KANSL1L: variants seen among roughly 807,000 people sequenced by gnomAD.
The protein encoded by KANSL1L is KAT8 regulatory NSL complex subunit 1 like, also known as KAT8 regulatory NSL complex subunit 1-like protein.
A neutral mutation model predicts 108.6 loss-of-function variants in KANSL1L; 25 were observed. The ratio of observed to expected loss-of-function variants is 0.23; its 90% CI spans 0.17 to 0.32. KANSL1L has a LOEUF of 0.32. KANSL1L is among the 10% of genes least tolerant of loss of function. The pLI is 1.00. For missense variants in KANSL1L, 1,137 were observed against 1,125.7 expected, an observed-to-expected ratio of 1.01 and a Z score of -0.14; for synonymous variants, 405 against 395.1, an observed-to-expected ratio of 1.03 and a Z score of -0.30.
chr2:210,133,675 A>G (rs534272087), intron 2 of KANSL1L, among the ~76,000 whole-genome samples: 3 of 152,058 alleles, frequency 2.0e-5, no homozygotes, highest in Admixed American at 6.6e-5. Flanking sequence ...TTCCTAATAC[A>G]AACATGTATA....
Position 210,153,776 on chromosome 2 carries a change from G to A in KANSL1L, c.807C>T (p.Leu269=). 5 of 1,612,488 alleles carry A rather than the reference G, an allele frequency of 3.1e-6. No individual in the cohort carries two copies. Among genetic ancestry groups the A allele is most frequent in the Non-Finnish European group, 4.2e-6 (5 of 1,179,596 alleles). Residue 269 remains leucine (L), a synonymous_variant, in exon 2 of 15, where the codon CTC becomes CTT. Transcript: ENST00000281772. The stretch of plus-strand genomic sequence containing the variant: ...GTTCATGAAATGTCTTCATTTTGGG[G>A]AGTTGATGTTTCATAGACAATTTCA... ...QQMKLSMKHQ[L]PKMKTFHEPT...
chr2:210,063,517 AG>A (rs1431155924), intron 6 of KANSL1L, among the ~76,000 whole-genome samples: 1 of 152,214 alleles, frequency 6.6e-6, no homozygotes, highest in African/African-American at 2.4e-5. Flanking sequence ...GCAGCCAGGA[AG>A]GGGGCTATAC....
chr2:210,031,526 A>G lies in KANSL1L; in HGVS notation c.2050T>C (p.Trp684Arg), dbSNP rs775251631. The change falls in exon 9 of 15, where the codon TGG becomes CGG. Residue 684 changes from tryptophan to arginine, a missense_variant. By Grantham distance (101) the Trp-to-Arg change is moderately radical. This residue lies in a region of KANSL1L where 575 missense variants were observed against 567.1 expected (regional missense o/e 1.01). Transcript: ENST00000281772. ...PSPVHSTLNQ[W>R]RNGYSPICKP... is the part of the protein sequence containing the mutation. ...CATATAGGTGAATATCCATTTCTCCATTGATTCAGAGTACTATGTACTAAA... is the reference window on the plus strand; with the variant it reads ...CATATAGGTGAATATCCATTTCTCCGTTGATTCAGAGTACTATGTACTAAA... 88 of 1,549,740 alleles carry G rather than the reference A, an allele frequency of 5.7e-5. No individual in the cohort carries two copies. The highest frequency in any genetic ancestry group is 1.4e-4 in the Admixed American group (8 of 57,198).
intron 8 of KANSL1L, among the ~76,000 whole-genome samples, chr2:210,034,698 A>C (rs2094076266): frequency 6.6e-6 from 1 of 152,202 alleles, no homozygotes; most frequent in Non-Finnish European, 1.5e-5. Flanking sequence ...GCACAAAAGG[A>C]ACTCAAACAC....
chr2:210,035,242 T>C (rs916869512), intron 8 of KANSL1L: 1 of 152,222 alleles, frequency 6.6e-6, no homozygotes, highest in Admixed American at 6.5e-5. Context: ...TTTGAACATT[T>C]TGGTAAGTAT....
Position 210,024,065 on chromosome 2 carries a change from A to C in KANSL1L, c.2701T>G (p.Leu901Val), listed in dbSNP as rs761844798. ...SENQDLCAYG[L>V]PSLNQSQETK... ...TCTTGACTTTGATTTAAAGAAGGTA[A>C]GCCATATGCACACAGATCCTGGTTC... is the stretch of plus-strand genomic sequence containing the variant. The change falls in exon 14 of 15, where the codon TTA becomes GTA. Residue 901 changes from leucine (L) to valine (V), a missense_variant. Coordinates refer to ENST00000281772, the MANE Select transcript of KANSL1L (RefSeq NM_152519.4). 8 of 1,591,524 alleles carry C rather than the reference A, an allele frequency of 5.0e-6. No individual in the cohort carries two copies. The South Asian group carries it at 9.2e-5, about 18-fold the overall frequency.
intron 3 of KANSL1L, among the ~76,000 whole-genome samples, chr2:210,128,826 T>C (rs2095092557): frequency 6.6e-6 from 1 of 152,146 alleles, no homozygotes; most frequent in East Asian, 1.9e-4. Flanking sequence ...AGTTCTGAAT[T>C]GCTCAAAAAG....
intron 1 of KANSL1L, among the ~76,000 whole-genome samples, chr2:210,158,835 T>C (rs2095347279): frequency 6.6e-6 from 1 of 152,208 alleles, no homozygotes; most frequent in African/African-American, 2.4e-5. Flanking sequence ...AAAATATAAG[T>C]ACATTTCTTC....
At chr2:210,028,638 C>A in intron 11 of KANSL1L, 3 of 427,742 alleles carry the variant, frequency 7.0e-6, no homozygotes, top group Non-Finnish European at 1.2e-5. Flanking sequence ...CTAGGAATTC[C>A]TAAATCTTAA....
At chr2:210,123,801 T>G (rs1235007427) in intron 3 of KANSL1L, among the ~76,000 whole-genome samples, 1 of 150,738 alleles carries the variant, frequency 6.6e-6, no homozygotes, top group African/African-American at 2.4e-5. Flanking sequence ...AATATATACA[T>G]CCACTATGTA....
chr2:210,165,267 C>A (rs1484740031), intron 1 of KANSL1L, among the ~76,000 whole-genome samples: 1 of 151,576 alleles, frequency 6.6e-6, no homozygotes, highest in African/African-American at 2.4e-5. Context: ...AAACAAAAAC[C>A]AGTCTGTTAT....
At position 210,161,149 on chromosome 2, in the gene KANSL1L, C is replaced by T. The variant is rs1305007120; in HGVS notation, c.-29-6538G>A. 2.0e-5 allele frequency among the ~76,000 whole-genome samples: 3 copies of T among 151,874 alleles called. No homozygotes were observed. The East Asian group carries it at 5.8e-4, about 29-fold the overall frequency. On this transcript the variant is annotated intron_variant, in intron 1 of 14. Transcript: ENST00000281772. ...GATTACAGGTACCCGCCATCATGCC[C>T]GGCTAATTTTTGTATTTTTGTAGAG... is the stretch of plus-strand genomic sequence containing the variant.
At chr2:210,082,727 G>A (rs575655770) in intron 5 of KANSL1L, among the ~76,000 whole-genome samples, 2 of 152,242 alleles carry the variant, frequency 1.3e-5, no homozygotes, top group South Asian at 4.1e-4. Context: ...TAAAACTATT[G>A]TTTTAAGTCA....
chr2:210,131,168 T>C (rs2095116606), intron 2 of KANSL1L, among the ~76,000 whole-genome samples: 1 of 152,194 alleles, frequency 6.6e-6, no homozygotes, highest in Non-Finnish European at 1.5e-5. Flanking sequence ...CAGATCACAC[T>C]GGACTTTATG....
At chr2:210,061,951 A>C (rs967909868) in intron 6 of KANSL1L, among the ~76,000 whole-genome samples, 3 of 152,248 alleles carry the variant, frequency 2.0e-5, no homozygotes, top group African/African-American at 7.2e-5. Flanking sequence ...ATTTATATTC[A>C]TTTAAATAGT....
At chr2:210,038,796 T>G (rs190956703) in intron 8 of KANSL1L, among the ~76,000 whole-genome samples, 384 of 152,068 alleles carry the variant, frequency 2.5e-3, no homozygotes, top group African/African-American at 8.7e-3. Context: ...CTGCTTGGGT[T>G]TGAATTCTGG....
intron 3 of KANSL1L, among the ~76,000 whole-genome samples, chr2:210,106,752 G>C (rs1248592998): frequency 7.2e-6 from 1 of 139,348 alleles, no homozygotes; most frequent in Non-Finnish European, 1.6e-5. Context: ...CTGGGTGACA[G>C]AGACTCTGTC....
chr2:210,079,846 C>A (rs2094575881), intron 5 of KANSL1L: 1 of 144,446 alleles, frequency 6.9e-6, no homozygotes, highest in Admixed American at 7.0e-5. Flanking sequence ...TAAAAATCTT[C>A]CAAATGATGT....
At chr2:210,165,840 G>A (rs983456378) in intron 1 of KANSL1L, among the ~76,000 whole-genome samples, 10 of 152,132 alleles carry the variant, frequency 6.6e-5, no homozygotes, top group Non-Finnish European at 1.5e-4. Flanking sequence ...CGAGTAACCT[G>A]TGGTCAACTG....
Sources: allele counts gnomAD v4.1 joint callset (sites outside exome capture counted in the v4.1 genomes callset), GRCh38; gene constraint gnomAD v4.1.1; regional missense constraint gnomAD v4.1.1; transcripts MANE v1.5; gene names NCBI Gene and HGNC (gene_info 2026-07-23, HGNC 2026-07-21).